TTC7B: variants seen among roughly 807,000 people sequenced by gnomAD.
The protein encoded by TTC7B is tetratricopeptide repeat domain 7B.
In TTC7B, 28 loss-of-function variants were observed where a neutral mutation model predicts 106.8. The ratio of observed to expected loss-of-function variants is 0.26; its 90% CI spans 0.19 to 0.36. The LOEUF is 0.36. Among genes scored for constraint, TTC7B ranks in the 10% least tolerant of loss-of-function variants. The pLI, the probability that TTC7B is intolerant of heterozygous loss-of-function variation, is 1.00. For synonymous variants in TTC7B, 405 were observed against 430.6 expected (o/e 0.94, Z 0.74); for missense variants, 862 against 1,076.4 (o/e 0.80, Z 2.79).
intron 17 of TTC7B, chr14:90,602,114 A>G (rs1237604001): frequency 2.2e-6 from 1 of 455,978 alleles, no homozygotes; most frequent in Admixed American, 2.3e-5. Flanking sequence ...AGTATTTGCC[A>G]TAAGCTAAAG....
At chr14:90,779,603 C>T (rs749503955) in intron 3 of TTC7B, among the ~76,000 whole-genome samples, 20 of 152,048 alleles carry the variant, frequency 1.3e-4, no homozygotes, top group Non-Finnish European at 2.6e-4. Flanking sequence ...CGCACCTGGT[C>T]GAGATTTTAA....
At chr14:90,629,578 G>A (rs564185779) in intron 15 of TTC7B, among the ~76,000 whole-genome samples, 18 of 152,350 alleles carry the variant, frequency 1.2e-4, no homozygotes, top group Admixed American at 2.6e-4. Context: ...CAGGCAGCCC[G>A]GGGCCAGGTG....
intron 7 of TTC7B, among the ~76,000 whole-genome samples, chr14:90,688,360 C>T (rs1189186939): frequency 6.6e-6 from 1 of 152,114 alleles, no homozygotes; most frequent in African/African-American, 2.4e-5. Context: ...CGTGGTGGCT[C>T]ACACCTGTAA....
At chr14:90,803,719 C>A (rs528243834) in intron 1 of TTC7B, among the ~76,000 whole-genome samples, 1 of 152,020 alleles carries the variant, frequency 6.6e-6, no homozygotes, top group Non-Finnish European at 1.5e-5. Context: ...ACACACACAG[C>A]GCAGAGGCTA....
intron 5 of TTC7B, among the ~76,000 whole-genome samples, chr14:90,706,984 T>C (rs759606952): frequency 2.6e-5 from 4 of 152,242 alleles, no homozygotes; most frequent in Non-Finnish European, 5.9e-5. Flanking sequence ...TATTTCCAAT[T>C]TGATTATTCA....
chr14:90,800,021 T>G (rs946710907), intron 1 of TTC7B, among the ~76,000 whole-genome samples: 3 of 151,742 alleles, frequency 2.0e-5, no homozygotes, highest in East Asian at 3.9e-4. Flanking sequence ...TTTAGTAGAG[T>G]CAGGGTTTCA....
At chr14:90,793,439 C>T (rs1386931240) in intron 1 of TTC7B, among the ~76,000 whole-genome samples, 2 of 149,912 alleles carry the variant, frequency 1.3e-5, no homozygotes, top group African/African-American at 2.4e-5. Context: ...CAGGAAGAAT[C>T]GCTTGAACCC....
intron 6 of TTC7B, among the ~76,000 whole-genome samples, chr14:90,694,979 CAT>C (rs1277585952): frequency 7.6e-6 from 1 of 132,126 alleles, no homozygotes; most frequent in Admixed American, 7.9e-5. Context: ...ATATATGTCA[CAT>C]ATATTTATAA....
chr14:90,548,924 G>A (rs1889954151), intron 19 of TTC7B, among the ~76,000 whole-genome samples: 1 of 152,024 alleles, frequency 6.6e-6, no homozygotes, highest in Non-Finnish European at 1.5e-5. Context: ...TCAGGAGATC[G>A]AGACCATCCT....
At chr14:90,732,612 A>C (rs1889368409) in intron 4 of TTC7B, among the ~76,000 whole-genome samples, 1 of 152,166 alleles carries the variant, frequency 6.6e-6, no homozygotes. Flanking sequence ...TCCTGAGCTC[A>C]AGAAATCCAA....
At chr14:90,568,273 T>C (rs1890882030) in intron 19 of TTC7B, among the ~76,000 whole-genome samples, 1 of 151,920 alleles carries the variant, frequency 6.6e-6, no homozygotes, top group South Asian at 2.1e-4. Context: ...CCCACAGAAG[T>C]GAAAACGAAA....
chr14:90,641,934 CGT>C (rs145476335), intron 15 of TTC7B, among the ~76,000 whole-genome samples: 12,272 of 146,788 alleles, frequency 0.084, 527 homozygotes, highest in East Asian at 0.16. Flanking sequence ...TGTGTGTGTG[CGT>C]GTGTGTGTGT....
At chr14:90,720,772 G>A (rs1379345002) in intron 5 of TTC7B, among the ~76,000 whole-genome samples, 2 of 152,164 alleles carry the variant, frequency 1.3e-5, no homozygotes, top group East Asian at 3.8e-4. Flanking sequence ...GCTAAGGTAA[G>A]AAAAGAAAAT....
intron 5 of TTC7B, among the ~76,000 whole-genome samples, chr14:90,729,349 T>A (rs1443118450): frequency 6.6e-6 from 1 of 152,116 alleles, no homozygotes; most frequent in Non-Finnish European, 1.5e-5. Flanking sequence ...AAAGCACTAC[T>A]GGACTACTCT....
At chr14:90,772,976 T>G (rs1244853830) in intron 3 of TTC7B, 1 of 152,158 alleles carries the variant, frequency 6.6e-6, no homozygotes, top group Non-Finnish European at 1.5e-5. Flanking sequence ...AATAAATTTT[T>G]TAAAAGAACA....
chr14:90,786,441 G>T, intron 1 of TTC7B, 113 bp from the exon 2 acceptor site: 2 of 1,274,822 alleles, frequency 1.6e-6, no homozygotes, highest in Non-Finnish European at 2.2e-6. Flanking sequence ...CCCCCAGCAA[G>T]GTCCTTCTGG....
intron 4 of TTC7B, among the ~76,000 whole-genome samples, chr14:90,737,464 A>G (rs1023478513): frequency 6.6e-6 from 1 of 152,036 alleles, no homozygotes; most frequent in Admixed American, 6.6e-5. Flanking sequence ...GTACTGATAT[A>G]TGCTACTACA....
intron 5 of TTC7B, among the ~76,000 whole-genome samples, chr14:90,705,565 G>A (rs946133933): frequency 4.6e-5 from 7 of 151,858 alleles, no homozygotes; most frequent in Non-Finnish European, 1.0e-4. Flanking sequence ...TATTTTATTC[G>A]ATAAAATATA....
At chr14:90,580,540 C>T (rs1034506464) in intron 18 of TTC7B, among the ~76,000 whole-genome samples, 2 of 152,134 alleles carry the variant, frequency 1.3e-5, no homozygotes, top group Non-Finnish European at 2.9e-5. Context: ...CTGCAGCCCT[C>T]GGGAGCTTGG....
Sources: allele counts gnomAD v4.1 joint callset (sites outside exome capture counted in the v4.1 genomes callset), GRCh38; gene constraint gnomAD v4.1.1; transcripts MANE v1.5; gene names NCBI Gene and HGNC (gene_info 2026-07-23, HGNC 2026-07-21).